FAM174B: variants seen among roughly 807,000 people sequenced by gnomAD.
FAM174B encodes the protein family with sequence similarity 174 member B, also known as membrane protein FAM174B.
FAM174B carries 12 observed loss-of-function variants against 10.9 expected under a neutral mutation model. That is an observed-to-expected ratio of 1.10 (90% CI 0.71 to 1.79). The LOEUF (loss-of-function observed/expected upper bound fraction) is 1.79. Ranked by LOEUF, FAM174B falls within the 40% of genes most tolerant of loss-of-function variation. The pLI is 0.00. For synonymous variants in FAM174B, 132 were observed against 115.8 expected (o/e 1.14, Z -0.90); for missense variants, 266 against 233.3 (o/e 1.14, Z -0.91).
At chr15:92,625,178 C>A (rs181486469) in intron 2 of FAM174B, among the ~76,000 whole-genome samples, 1 of 142,570 alleles carries the variant, frequency 7.0e-6, no homozygotes, top group African/African-American at 2.5e-5. Context: ...TCTGGCCCTA[C>A]GCACTCAAGG....
At chr15:92,653,960 A>G (rs1170751192) in intron 1 of FAM174B, among the ~76,000 whole-genome samples, 1 of 152,208 alleles carries the variant, frequency 6.6e-6, no homozygotes, top group Non-Finnish European at 1.5e-5. Context: ...CAGAGGATTG[A>G]GGCCAGTGGG....
chr15:92,619,023 A>ATCAT lies in FAM174B; in HGVS notation c.*432_*433insATGA. ...ATGGGGTCCAATGTGTAGATCCAGT[A>ATCAT]GAGAAGAATGTCGGAAATTCTAAAT... On this transcript the variant is annotated 3_prime_UTR_variant, in exon 3 of 3. Coordinates refer to ENST00000327355, the MANE Select transcript of FAM174B (RefSeq NM_207446.3). The ATCAT allele has an allele frequency of 6.6e-6, 3 of 452,332 alleles. No individual in the cohort carries two copies. Among genetic ancestry groups the ATCAT allele is most frequent in the South Asian group, 9.6e-5 (2 of 20,806 alleles). 28.0% of individuals were successfully genotyped at this position (452,332 alleles called of 1,614,324 possible).
intron 1 of FAM174B, among the ~76,000 whole-genome samples, chr15:92,645,305 G>A (rs1329932346): frequency 6.6e-6 from 1 of 152,240 alleles, no homozygotes; most frequent in African/African-American, 2.4e-5. Context: ...GTTGACCCCA[G>A]GATGGGCATG....
At chr15:92,627,182 C>G (rs1046420144) in intron 2 of FAM174B, 1 of 152,666 alleles carries the variant, frequency 6.6e-6, no homozygotes. Flanking sequence ...GCCCGGAGAC[C>G]AGGTGTCTCA....
At position 92,644,159 on chromosome 15, in the gene FAM174B, G is replaced by T. The variant is rs960280680; in HGVS notation, c.344+11157C>A. ...AACCCACTCTTCAGCCCTAGCCTCT[G>T]CCCCACCCTGTAAGGAAGCAGGTGT... On this transcript the variant is annotated intron_variant, in intron 1 of 2. Coordinates refer to ENST00000327355, the MANE Select transcript of FAM174B (RefSeq NM_207446.3). 1.6e-4 allele frequency among the ~76,000 whole-genome samples: 25 copies of T among 152,022 alleles called. 1 individual carries two copies. Among genetic ancestry groups the T allele is most frequent in the Non-Finnish European group, 4.4e-5 (3 of 68,014 alleles).
At chr15:92,647,839 G>C (rs777755095) in intron 1 of FAM174B, among the ~76,000 whole-genome samples, 22 of 152,122 alleles carry the variant, frequency 1.4e-4, no homozygotes, top group African/African-American at 5.1e-4. Context: ...ATCTAGGAGA[G>C]ATTAACTAAA....
chr15:92,631,394 AT>A (rs1263638643), intron 1 of FAM174B, among the ~76,000 whole-genome samples: 3 of 25,062 alleles, frequency 1.2e-4, no homozygotes, highest in African/African-American at 2.4e-4. Flanking sequence ...TATATTATAT[AT>A]TATATTATAT....
intron 2 of FAM174B, chr15:92,619,731 T>C: frequency 1.9e-6 from 1 of 523,976 alleles, no homozygotes; most frequent in Non-Finnish European, 3.4e-6. Context: ...ATCCCTCTCC[T>C]TGCCAGCACT....
chr15:92,617,728 G>A lies in FAM174B; in HGVS notation c.*1728C>T. ...CTCCCGTGAGTCACCACTCAGGCCT[G>A]AGTACACCGTGGAGAGGAGAGATAA... On this transcript the variant is annotated 3_prime_UTR_variant, in exon 3 of 3. Coordinates refer to ENST00000327355, the MANE Select transcript of FAM174B (RefSeq NM_207446.3). The A allele has an allele frequency of 3.0e-6, 2 of 661,788 alleles. No individual in the cohort carries two copies. The highest frequency in any genetic ancestry group is 5.4e-6 in the Non-Finnish European group (2 of 369,240). The allele number at this position is 661,788 out of a possible 1,614,324, so 41.0% of individuals were successfully genotyped here.
At chr15:92,634,050 T>C (rs1596298472) in intron 1 of FAM174B, among the ~76,000 whole-genome samples, 3 of 152,158 alleles carry the variant, frequency 2.0e-5, no homozygotes, top group South Asian at 2.1e-4. Flanking sequence ...TCCGGACAAG[T>C]TGCGGCTGTC....
intron 1 of FAM174B, among the ~76,000 whole-genome samples, chr15:92,651,444 AT>A (rs1686340032): frequency 6.6e-6 from 1 of 152,242 alleles, no homozygotes; most frequent in South Asian, 2.1e-4. Flanking sequence ...CATATCGTGA[AT>A]AATAAAAAAA....
intron 2 of FAM174B, among the ~76,000 whole-genome samples, chr15:92,626,344 C>T (rs962876946): frequency 6.6e-5 from 10 of 152,220 alleles, no homozygotes; most frequent in Admixed American, 2.0e-4. Flanking sequence ...GTGATCCGCC[C>T]GCCTCGGCCT....
At chr15:92,636,262 C>A (rs1432660502) in intron 1 of FAM174B, among the ~76,000 whole-genome samples, 1 of 152,034 alleles carries the variant, frequency 6.6e-6, no homozygotes, top group Non-Finnish European at 1.5e-5. Context: ...TGCAACAAGC[C>A]GAGATCTCGC....
chr15:92,635,314 C>A (rs989493717), intron 1 of FAM174B, among the ~76,000 whole-genome samples: 8 of 152,114 alleles, frequency 5.3e-5, no homozygotes, highest in African/African-American at 1.7e-4. Context: ...ACATTTCAAA[C>A]AATCAACTCT....
chr15:92,641,257 T>G (rs774827186), intron 1 of FAM174B, among the ~76,000 whole-genome samples: 65 of 152,366 alleles, frequency 4.3e-4, no homozygotes, highest in Admixed American at 3.3e-3. Context: ...ACTCTCTCAT[T>G]ACTTGTTTGT....
chr15:92,630,843 TAC>T (rs1567044716), intron 1 of FAM174B, among the ~76,000 whole-genome samples: 3 of 48,814 alleles, frequency 6.1e-5, no homozygotes, highest in African/African-American at 1.4e-4. Flanking sequence ...TTATATATAT[TAC>T]ATATTACATG....
chr15:92,626,528 G>A lies in FAM174B; in HGVS notation c.476+3686C>T, dbSNP rs1303151327. On this transcript the variant is annotated intron_variant, in intron 2 of 2. Coordinates refer to ENST00000327355, the MANE Select transcript of FAM174B (RefSeq NM_207446.3). ...GAGATGGCGGCTTGCAGAGAAATCT[G>A]TTTTTGACACTGTCCCCAGAATGAC... is the stretch of plus-strand genomic sequence containing the variant. Among the ~76,000 whole-genome samples the A allele has an allele frequency of 2.0e-5, 3 of 152,280 alleles. No homozygotes were observed. In the East Asian group the frequency reaches 5.8e-4, roughly 29 times the overall value.
intron 2 of FAM174B, among the ~76,000 whole-genome samples, chr15:92,622,937 C>T (rs2050729202): frequency 6.6e-6 from 1 of 152,120 alleles, no homozygotes. Context: ...GGGCAGATCA[C>T]TTGAGGTCAG....
intron 1 of FAM174B, among the ~76,000 whole-genome samples, chr15:92,637,361 T>C (rs1387110058): frequency 6.6e-6 from 1 of 152,056 alleles, no homozygotes; most frequent in Non-Finnish European, 1.5e-5. Flanking sequence ...AGAGACCAAG[T>C]CCTAAATCGA....
Sources: allele counts gnomAD v4.1 joint callset (sites outside exome capture counted in the v4.1 genomes callset), GRCh38; gene constraint gnomAD v4.1.1; transcripts MANE v1.5; gene names NCBI Gene and HGNC (gene_info 2026-07-23, HGNC 2026-07-21).